SYT1: variants seen among roughly 807,000 people sequenced by gnomAD.
The protein encoded by SYT1 is synaptotagmin 1.
A neutral mutation model predicts 44.8 loss-of-function variants in SYT1; 8 were observed. That is an observed-to-expected ratio of 0.18 (90% CI 0.10 to 0.32). The LOEUF is 0.32. SYT1 is among the 10% of genes least tolerant of loss of function. The probability of loss-of-function intolerance (pLI) is 1.00; values close to 1 mark genes in which losing one functional copy is unlikely to be tolerated. For synonymous variants in SYT1, 154 were observed against 188.8 expected, an observed-to-expected ratio of 0.82 and a Z score of 1.51; for missense variants, 286 against 509.3, an observed-to-expected ratio of 0.56 and a Z score of 4.22.
At chr12:79,251,047 T>G (rs987706042) in intron 4 of SYT1, among the ~76,000 whole-genome samples, 1 of 152,162 alleles carries the variant, frequency 6.6e-6, no homozygotes, top group Non-Finnish European at 1.5e-5. Context: ...TAAAGAAGAC[T>G]GCAAAATTTC....
intron 9 of SYT1, among the ~76,000 whole-genome samples, chr12:79,355,390 G>A (rs1001114921): frequency 1.3e-4 from 20 of 152,252 alleles, no homozygotes; most frequent in African/African-American, 4.8e-4. Context: ...TATATTCTTT[G>A]TTTCTGAAGA....
chr12:79,257,010 G>T (rs1170358842), intron 4 of SYT1, among the ~76,000 whole-genome samples: 2 of 152,200 alleles, frequency 1.3e-5, no homozygotes, highest in African/African-American at 4.8e-5. Context: ...AACTTGATAA[G>T]AGAGTCTCTG....
At chr12:79,335,189 T>G (rs74107422) in intron 8 of SYT1, among the ~76,000 whole-genome samples, 25,587 of 152,062 alleles carry the variant, frequency 0.17, 3,188 homozygotes, top group African/African-American at 0.36. Flanking sequence ...TTTTATTTAG[T>G]CCCCCAAGAC....
chr12:78,869,825 T>C (rs1286231969), intron 1 of SYT1, among the ~76,000 whole-genome samples: 1 of 152,068 alleles, frequency 6.6e-6, no homozygotes, highest in Non-Finnish European at 1.5e-5. Context: ...ACTTTACTAA[T>C]AATGCAAATG....
intron 3 of SYT1, among the ~76,000 whole-genome samples, chr12:79,093,602 T>G (rs1180598566): frequency 6.6e-6 from 1 of 151,666 alleles, no homozygotes; most frequent in Non-Finnish European, 1.5e-5. Context: ...CAGTTTAACC[T>G]TACAATATTT....
chr12:79,125,691 T>G (rs1186258032), intron 3 of SYT1, among the ~76,000 whole-genome samples: 1 of 151,772 alleles, frequency 6.6e-6, no homozygotes, highest in Non-Finnish European at 1.5e-5. Flanking sequence ...AAATTTAAAA[T>G]ATAAAAACTA....
chr12:79,224,747 ATTTT>A (rs367969269), intron 4 of SYT1, among the ~76,000 whole-genome samples: 37 of 13,888 alleles, frequency 2.7e-3, no homozygotes, highest in South Asian at 5.4e-3. Flanking sequence ...TTATTTATTT[ATTTT>A]TTATTATTAT....
At chr12:79,393,064 C>T (rs1277225890) in intron 9 of SYT1, 2 of 142,816 alleles carry the variant, frequency 1.4e-5, no homozygotes, top group African/African-American at 2.6e-5. Context: ...GTTTGGTTTT[C>T]TGTCCTCGTG....
intron 9 of SYT1, among the ~76,000 whole-genome samples, chr12:79,394,395 C>T (rs920007123): frequency 2.0e-5 from 3 of 152,054 alleles, no homozygotes; most frequent in Non-Finnish European, 4.4e-5. Flanking sequence ...CAGGCAGAAG[C>T]GCTATAGTAT....
At chr12:78,967,594 A>T (rs4412806) in intron 1 of SYT1, among the ~76,000 whole-genome samples, 10,983 of 152,244 alleles carry the variant, frequency 0.072, 443 homozygotes, top group African/African-American at 0.1. Context: ...AACACAAAAT[A>T]AGAAAACTGT....
intron 9 of SYT1, among the ~76,000 whole-genome samples, chr12:79,404,036 C>A (rs1885159429): frequency 6.6e-6 from 1 of 152,128 alleles, no homozygotes; most frequent in African/African-American, 2.4e-5. Flanking sequence ...AGCCTTGGAT[C>A]TATTTTACTC....
At chr12:79,196,368 A>G (rs985469822) in intron 3 of SYT1, among the ~76,000 whole-genome samples, 23 of 152,088 alleles carry the variant, frequency 1.5e-4, no homozygotes, top group African/African-American at 5.1e-4. Context: ...GGGTTTCACC[A>G]TGTTGGCCAG....
At chr12:78,961,057 AT>A (rs1332441512) in intron 1 of SYT1, among the ~76,000 whole-genome samples, 3 of 147,938 alleles carry the variant, frequency 2.0e-5, no homozygotes, top group Admixed American at 2.0e-4. Flanking sequence ...CCCATTGAGT[AT>A]TTTTTTGTTG....
At chr12:78,955,630 C>T (rs185113550) in intron 1 of SYT1, 3 of 152,064 alleles carry the variant, frequency 2.0e-5, no homozygotes, top group Middle Eastern at 3.1e-3. Flanking sequence ...CAGAGCCCCC[C>T]CAAAGGCCCA....
intron 9 of SYT1, among the ~76,000 whole-genome samples, chr12:79,417,742 G>C (rs1868838863): frequency 6.6e-6 from 1 of 152,052 alleles, no homozygotes; most frequent in African/African-American, 2.4e-5. Context: ...CACAGGGGAG[G>C]TTTTGTGGGT....
intron 4 of SYT1, among the ~76,000 whole-genome samples, chr12:79,219,330 C>T (rs1197531307): frequency 6.6e-6 from 1 of 151,928 alleles, no homozygotes; most frequent in African/African-American, 2.4e-5. Flanking sequence ...ATTGTTTCCT[C>T]TCCTGTGCAG....
chr12:78,883,368 C>T (rs544600346), intron 1 of SYT1, among the ~76,000 whole-genome samples: 4 of 151,616 alleles, frequency 2.6e-5, no homozygotes, highest in East Asian at 2.0e-4. Flanking sequence ...TTTTTTCATT[C>T]GTTTCTCACT....
chr12:79,223,338 A>G (rs1173178922), intron 4 of SYT1, among the ~76,000 whole-genome samples: 1 of 152,254 alleles, frequency 6.6e-6, no homozygotes, highest in Non-Finnish European at 1.5e-5. Flanking sequence ...TGGCATCGCC[A>G]GAGCCTGGGG....
chr12:79,215,882 A>T (rs1592860947), intron 3 of SYT1, among the ~76,000 whole-genome samples: 1 of 143,686 alleles, frequency 7.0e-6, no homozygotes, highest in Non-Finnish European at 1.5e-5. Context: ...ATATGTAACT[A>T]TGCATGACCA....
Sources: allele counts gnomAD v4.1 joint callset (sites outside exome capture counted in the v4.1 genomes callset), GRCh38; gene constraint gnomAD v4.1.1; transcripts MANE v1.5; gene names NCBI Gene and HGNC (gene_info 2026-07-23, HGNC 2026-07-21).